The following CAMKMT variants were observed in gnomAD, a reference collection of about 807,000 sequenced individuals.
CAMKMT encodes the protein calmodulin-lysine N-methyltransferase.
In CAMKMT, 53 loss-of-function variants were observed where a neutral mutation model predicts 48.0. The observed-to-expected ratio is 1.10, with a 90% confidence interval of 0.89 to 1.39. CAMKMT has a LOEUF of 1.39. Among genes scored for constraint, CAMKMT ranks in the 40% most tolerant of loss-of-function variants. The pLI is 0.00. For missense variants in CAMKMT, 428 were observed against 402.7 expected (o/e 1.06, Z -0.54); for synonymous variants, 165 against 152.3 (o/e 1.08, Z -0.61).
chr2:44,660,375 C>T (rs1414393827), intron 3 of CAMKMT, among the ~76,000 whole-genome samples: 5 of 152,174 alleles, frequency 3.3e-5, no homozygotes, highest in Admixed American at 2.6e-4. Context: ...AGGGGATGCT[C>T]CAGGGTCTGG....
At chr2:44,603,772 A>G (rs1466335401) in intron 3 of CAMKMT, among the ~76,000 whole-genome samples, 1 of 152,194 alleles carries the variant, frequency 6.6e-6, no homozygotes, top group Admixed American at 6.5e-5. Flanking sequence ...TTCTATTTGC[A>G]TTCTTTCAAT....
At chr2:44,720,293 C>G (rs984837387) in intron 7 of CAMKMT, among the ~76,000 whole-genome samples, 1 of 151,982 alleles carries the variant, frequency 6.6e-6, no homozygotes, top group Non-Finnish European at 1.5e-5. Flanking sequence ...TGTATTGATT[C>G]TTTGGATTTG....
At chr2:44,451,138 C>T (rs1667266455) in intron 3 of CAMKMT, among the ~76,000 whole-genome samples, 1 of 151,996 alleles carries the variant, frequency 6.6e-6, no homozygotes, top group Non-Finnish European at 1.5e-5. Flanking sequence ...ATGTAAACTT[C>T]CTAAATCTGC....
At chr2:44,600,289 CAG>C (rs1002840832) in intron 3 of CAMKMT, among the ~76,000 whole-genome samples, 47 of 151,706 alleles carry the variant, frequency 3.1e-4, no homozygotes, top group Admixed American at 2.2e-3. Flanking sequence ...ATTTTTGTGA[CAG>C]AGTGTCGCTC....
At chr2:44,758,259 A>G (rs143985369) in intron 9 of CAMKMT, among the ~76,000 whole-genome samples, 272 of 152,286 alleles carry the variant, frequency 1.8e-3, no homozygotes, top group Non-Finnish European at 2.4e-3. Flanking sequence ...AAGAAAGTAG[A>G]TGGAGAGGGG....
intron 7 of CAMKMT, among the ~76,000 whole-genome samples, chr2:44,726,996 T>A (rs979068770): frequency 6.6e-6 from 1 of 152,180 alleles, no homozygotes; most frequent in Non-Finnish European, 1.5e-5. Context: ...TTTATACCAG[T>A]ACCAAGCTGT....
intron 3 of CAMKMT, among the ~76,000 whole-genome samples, chr2:44,492,097 A>G (rs1276564072): frequency 6.6e-6 from 1 of 152,176 alleles, no homozygotes; most frequent in Non-Finnish European, 1.5e-5. Flanking sequence ...CAGAGAAAAA[A>G]AGGCAGGGGT....
chr2:44,714,251 G>C (rs909117395), intron 6 of CAMKMT, among the ~76,000 whole-genome samples: 3 of 152,212 alleles, frequency 2.0e-5, no homozygotes, highest in Non-Finnish European at 4.4e-5. Flanking sequence ...AACTCTAAGA[G>C]TTATAGTGCC....
At chr2:44,600,198 A>G (rs1341371294) in intron 3 of CAMKMT, among the ~76,000 whole-genome samples, 1 of 152,078 alleles carries the variant, frequency 6.6e-6, no homozygotes, top group Non-Finnish European at 1.5e-5. Flanking sequence ...ATAACAGATG[A>G]TAAAAGAGAT....
intron 3 of CAMKMT, among the ~76,000 whole-genome samples, chr2:44,555,844 T>G (rs975895682): frequency 6.6e-6 from 1 of 151,950 alleles, no homozygotes; most frequent in Non-Finnish European, 1.5e-5. Context: ...CCTGCAGAGC[T>G]TTTGGTTAGG....
At chr2:44,560,492 G>A (rs752135857) in intron 3 of CAMKMT, among the ~76,000 whole-genome samples, 2 of 151,968 alleles carry the variant, frequency 1.3e-5, no homozygotes, top group African/African-American at 2.4e-5. Context: ...GGCAGGTCTC[G>A]AACTTCTGGC....
At chr2:44,662,204 A>G (rs1431619082) in intron 3 of CAMKMT, among the ~76,000 whole-genome samples, 1 of 152,142 alleles carries the variant, frequency 6.6e-6, no homozygotes, top group African/African-American at 2.4e-5. Context: ...TTTATATGAA[A>G]ATGTTGCCAG....
chr2:44,513,961 G>C (rs765581163), intron 3 of CAMKMT, among the ~76,000 whole-genome samples: 2 of 151,978 alleles, frequency 1.3e-5, no homozygotes, highest in African/African-American at 2.4e-5. Flanking sequence ...ACTTAGCCAG[G>C]CATGGTAGTG....
chr2:44,612,047 C>T (rs1169040102), intron 3 of CAMKMT, among the ~76,000 whole-genome samples: 1 of 152,162 alleles, frequency 6.6e-6, no homozygotes, highest in Non-Finnish European at 1.5e-5. Flanking sequence ...CAAACTATAT[C>T]ATCTGGGTAA....
At chr2:44,417,402 AAAAAATAAAAATG>A (rs1211732817) in intron 3 of CAMKMT, among the ~76,000 whole-genome samples, 1 of 152,166 alleles carries the variant, frequency 6.6e-6, no homozygotes, top group Non-Finnish European at 1.5e-5. Flanking sequence ...CTCAAAAAAT[AAAAAATAAAAATG>A]AAAAATAAAT....
At chr2:44,527,941 G>A (rs1385357271) in intron 3 of CAMKMT, among the ~76,000 whole-genome samples, 4 of 151,676 alleles carry the variant, frequency 2.6e-5, no homozygotes, top group Non-Finnish European at 4.4e-5. Flanking sequence ...TAAATGACAT[G>A]TATTTGCCAT....
intron 3 of CAMKMT, among the ~76,000 whole-genome samples, chr2:44,505,606 C>G (rs1010616386): frequency 8.6e-5 from 13 of 152,036 alleles, no homozygotes; most frequent in Non-Finnish European, 1.8e-4. Context: ...TTGCTGATGT[C>G]CAGTTGCTCT....
Position 44,631,182 on chromosome 2 carries a change from G to A in CAMKMT, c.377-73101G>A, listed in dbSNP as rs2103968281. 2.0e-5 allele frequency among the ~76,000 whole-genome samples: 3 copies of A among 152,200 alleles called. No homozygotes were observed. The South Asian group carries it at 6.2e-4, about 32-fold the overall frequency. Reference sequence around the variant, plus strand: ...AAACACCATATATTCTCACTCATAGGTGGGAACTGAACAGTGAGACCACAT... The same window carrying A: ...AAACACCATATATTCTCACTCATAGATGGGAACTGAACAGTGAGACCACAT... On this transcript the variant is annotated intron_variant, in intron 3 of 10. Transcript: ENST00000378494.
At chr2:44,707,527 T>C (rs760027083) in intron 6 of CAMKMT, 65 bp downstream of exon 6, 12 of 1,398,600 alleles carry the variant, frequency 8.6e-6, no homozygotes, top group Admixed American at 1.8e-5. Flanking sequence ...TGAGTAACAA[T>C]TGATATAAAG....
Sources: gnomAD v4.1 joint callset for allele counts (sites outside exome capture counted in the v4.1 genomes callset) on GRCh38, gnomAD v4.1.1 for gene constraint, MANE v1.5 for transcripts, NCBI Gene and HGNC (gene_info 2026-07-23, HGNC 2026-07-21) for gene names.